Variants in RSU1 observed in about 807,000 individuals in gnomAD.
RSU1 encodes Ras suppressor protein 1, also known as rsu-1.
Under a neutral mutation model 31.1 loss-of-function variants are expected in RSU1, and 26 were observed. That is an observed-to-expected ratio of 0.84 (90% confidence interval 0.61 to 1.16). The LOEUF is 1.16. Ranked by LOEUF, RSU1 falls within the 50% of genes most tolerant of loss-of-function variation. The pLI is 0.00. For missense variants in RSU1, 320 were observed against 339.1 expected, an observed-to-expected ratio of 0.94 and a Z score of 0.44; for synonymous variants, 164 against 136.3, an observed-to-expected ratio of 1.20 and a Z score of -1.41.
intron 4 of RSU1, among the ~76,000 whole-genome samples, chr10:16,760,517 GAAAAAA>G (rs71374701): frequency 1.0e-5 from 1 of 100,224 alleles, no homozygotes; most frequent in Non-Finnish European, 2.1e-5. Flanking sequence ...CTCAAAAAAA[GAAAAAA>G]AAAAAAAAAG....
intron 7 of RSU1, chr10:16,748,184 C>G (rs1405623925): frequency 6.6e-6 from 1 of 152,194 alleles, no homozygotes; most frequent in African/African-American, 2.4e-5. Flanking sequence ...GTAGAGTGCA[C>G]AAGTCCAAAA....
chr10:16,625,381 C>G (rs1048030667), intron 8 of RSU1, among the ~76,000 whole-genome samples: 2 of 152,154 alleles, frequency 1.3e-5, no homozygotes, highest in Admixed American at 1.3e-4. Flanking sequence ...ACAGTGGGGA[C>G]TTTTTAAACT....
chr10:16,648,232 C>CT (rs1341385993), intron 8 of RSU1, among the ~76,000 whole-genome samples: 1 of 151,658 alleles, frequency 6.6e-6, no homozygotes, highest in African/African-American at 2.4e-5. Flanking sequence ...TCCTAAAGTG[C>CT]TGGGATTACA....
intron 8 of RSU1, among the ~76,000 whole-genome samples, chr10:16,641,944 G>C (rs761494007): frequency 6.6e-6 from 1 of 152,204 alleles, no homozygotes; most frequent in Non-Finnish European, 1.5e-5. Context: ...TGACAAGCTG[G>C]CTGCTCCAAG....
At chr10:16,781,647 A>C (rs890759591) in intron 3 of RSU1, among the ~76,000 whole-genome samples, 1 of 152,190 alleles carries the variant, frequency 6.6e-6, no homozygotes, top group African/African-American at 2.4e-5. Flanking sequence ...CCACTTCCAG[A>C]GCAACAATGT....
At chr10:16,785,429 T>TATATATATACACATATATACATATATAC (rs1837757957) in intron 2 of RSU1, among the ~76,000 whole-genome samples, 2 of 93,148 alleles carry the variant, frequency 2.1e-5, no homozygotes, top group African/African-American at 1.4e-4. Flanking sequence ...CATATATACA[T>TATATATATACACATATATACATATATAC]ATATATATAT....
rs146042059 is a variant in RSU1, at chr10:16,733,256, C to A, written c.598+19283G>T. Among the ~76,000 whole-genome samples, 1,150 of 149,502 alleles carry A rather than the reference C, an allele frequency of 7.7e-3. 9 individuals are homozygous for A. Among genetic ancestry groups the A allele is most frequent in the South Asian group, 0.022 (102 of 4,732 alleles). On this transcript the variant is annotated intron_variant, in intron 7 of 8. Transcript: ENST00000345264. ...CTGTAATCCCAGCACTTTGGGAGGC[C>A]GAGATGGACGGATCACCTGAGGTCA...
chr10:16,720,628 A>G (rs573312237), intron 7 of RSU1, among the ~76,000 whole-genome samples: 1 of 152,264 alleles, frequency 6.6e-6, no homozygotes, highest in Admixed American at 6.5e-5. Flanking sequence ...AGAATACATA[A>G]ATAAGTATAC....
chr10:16,773,609 T>G (rs1837468260), intron 3 of RSU1, among the ~76,000 whole-genome samples: 1 of 152,162 alleles, frequency 6.6e-6, no homozygotes, highest in Non-Finnish European at 1.5e-5. Flanking sequence ...CGCCTCCTCA[T>G]TCTGGTCACT....
rs58568296 is a variant in RSU1 at position 16,700,567 on chromosome 10, A to G, written c.599-5412T>C. On this transcript the variant is annotated intron_variant, in intron 7 of 8. Coordinates refer to ENST00000345264, the MANE Select transcript of RSU1 (RefSeq NM_012425.4). ...TCCCACATAGACAAAGATTCTACAC[A>G]TAAGTCTCCATAATTCTCATTATCA... is the stretch of plus-strand genomic sequence containing the variant. 4.4e-3 allele frequency among the ~76,000 whole-genome samples: 663 copies of G among 152,340 alleles called. 4 individuals are homozygous for G. Among genetic ancestry groups the G allele is most frequent in the African/African-American group, 0.014 (602 of 41,570 alleles).
chr10:16,653,639 G>T (rs1834724035), intron 8 of RSU1, among the ~76,000 whole-genome samples: 1 of 152,022 alleles, frequency 6.6e-6, no homozygotes, highest in African/African-American at 2.4e-5. Context: ...AGGGCCAAAA[G>T]GGGTCTCTGG....
chr10:16,762,406 T>A (rs913853828), intron 4 of RSU1, among the ~76,000 whole-genome samples: 2 of 151,622 alleles, frequency 1.3e-5, no homozygotes, highest in African/African-American at 4.8e-5. Flanking sequence ...CTTTCTCACA[T>A]ACAAATTAAA....
At chr10:16,756,053 T>C (rs935643358) in intron 4 of RSU1, among the ~76,000 whole-genome samples, 2 of 152,224 alleles carry the variant, frequency 1.3e-5, no homozygotes, top group Admixed American at 1.3e-4. Flanking sequence ...CATGAAGCTT[T>C]GTAGTTTTCA....
intron 8 of RSU1, among the ~76,000 whole-genome samples, chr10:16,674,852 G>A (rs1198559824): frequency 6.6e-6 from 1 of 152,078 alleles, no homozygotes; most frequent in African/African-American, 2.4e-5. Context: ...GGCTAACACA[G>A]CGAAACTCCA....
chr10:16,687,929 C>A (rs1199815502), intron 8 of RSU1, among the ~76,000 whole-genome samples: 1 of 151,968 alleles, frequency 6.6e-6, no homozygotes, highest in East Asian at 1.9e-4. Flanking sequence ...ACTATGTTGC[C>A]CAGGCTGGTC....
rs71200966 is a variant in RSU1 at position 16,682,574 on chromosome 10, G to GCACA, written c.731+12448_731+12449insTGTG. 9.5e-3 allele frequency among the ~76,000 whole-genome samples: 1,309 copies of GCACA among 138,228 alleles called. 43 individuals are homozygous for GCACA. Among genetic ancestry groups the GCACA allele is most frequent in the African/African-American group, 0.027 (967 of 35,940 alleles). 90.7% of individuals were successfully genotyped at this position (138,228 alleles called of 152,430 possible). A position where few individuals can be genotyped will look rare whatever the true frequency, so the allele number is the denominator to read the frequency against. ...CACACACACACACACACACACACAT[G>GCACA]CATGCATGTTACCTAGGGTGGACAT... On this transcript the variant is annotated intron_variant, in intron 8 of 8. Coordinates refer to ENST00000345264, the MANE Select transcript of RSU1 (RefSeq NM_012425.4).
intron 2 of RSU1, among the ~76,000 whole-genome samples, chr10:16,808,711 T>C (rs922013825): frequency 6.6e-6 from 1 of 152,222 alleles, no homozygotes; most frequent in African/African-American, 2.4e-5. Flanking sequence ...TGGAATGAAC[T>C]ATGTCTTCCC....
chr10:16,720,816 C>A (rs745825320), intron 7 of RSU1, among the ~76,000 whole-genome samples: 1 of 152,076 alleles, frequency 6.6e-6, no homozygotes, highest in East Asian at 1.9e-4. Flanking sequence ...CGAAACCCCA[C>A]GTCTACAAAA....
chr10:16,714,905 T>A (rs182830686), intron 7 of RSU1, among the ~76,000 whole-genome samples: 1 of 152,114 alleles, frequency 6.6e-6, no homozygotes, highest in African/African-American at 2.4e-5. Context: ...CCAAACTGGA[T>A]TGGGGGCCTG....
Sources: allele counts gnomAD v4.1 joint callset (sites outside exome capture counted in the v4.1 genomes callset), GRCh38; gene constraint gnomAD v4.1.1; transcripts MANE v1.5; gene names NCBI Gene and HGNC (gene_info 2026-07-23, HGNC 2026-07-21).